The following ULK4 variants were observed in gnomAD, a reference collection of about 807,000 sequenced individuals.
ULK4 encodes inactive serine/threonine-protein kinase ULK4.
A neutral mutation model predicts 160.6 loss-of-function variants in ULK4; 133 were observed. The observed-to-expected ratio is 0.83, with a 90% CI of 0.72 to 0.96. The LOEUF (loss-of-function observed/expected upper bound fraction) is 0.96. ULK4 is among the 40% of genes least tolerant of loss of function. The pLI, the probability that ULK4 is intolerant of heterozygous loss-of-function variation, is 0.00. For synonymous variants in ULK4, 534 were observed against 539.8 expected (o/e 0.99, Z 0.15); for missense variants, 1,580 against 1,499.5 (o/e 1.05, Z -0.89).
chr3:41,631,216 ATTTTT>A (rs2033729299), intron 30 of ULK4, among the ~76,000 whole-genome samples: 1 of 152,128 alleles, frequency 6.6e-6, no homozygotes, highest in South Asian at 2.1e-4. Flanking sequence ...ATAGGGAGTT[ATTTTT>A]CACACAAAAA....
chr3:41,826,859 T>C (rs1484351080), intron 18 of ULK4, among the ~76,000 whole-genome samples: 2 of 143,272 alleles, frequency 1.4e-5, no homozygotes, highest in African/African-American at 5.6e-5. Context: ...AATATACATT[T>C]TTTTCAGCAC....
At chr3:41,613,127 T>C (rs1321356306) in intron 31 of ULK4, among the ~76,000 whole-genome samples, 1 of 152,180 alleles carries the variant, frequency 6.6e-6, no homozygotes, top group Non-Finnish European at 1.5e-5. Context: ...GCAAAGAAGC[T>C]GCCATATATA....
chr3:41,936,983 C>A (rs1699794676), intron 3 of ULK4: 1 of 218,412 alleles, frequency 4.6e-6, no homozygotes, highest in East Asian at 9.1e-5. Context: ...GTGCTTATTA[C>A]ACACTGCATG....
rs73830279 is a variant in ULK4 at position 41,591,165 on chromosome 3, A to G, written c.3120+24504T>C. On this transcript the variant is annotated intron_variant, in intron 31 of 36. Coordinates refer to ENST00000301831, the MANE Select transcript of ULK4 (RefSeq NM_017886.4). Reference sequence around the variant, plus strand: ...ACAGCAGACTTATTAGTAACTGTGCAAGCCAGAAGACAATGAAAAGCAACT... The same window carrying G: ...ACAGCAGACTTATTAGTAACTGTGCGAGCCAGAAGACAATGAAAAGCAACT... Among the ~76,000 whole-genome samples, 508 of 152,324 alleles carry G rather than the reference A, an allele frequency of 3.3e-3. 3 individuals carry two copies. Among genetic ancestry groups the G allele is most frequent in the African/African-American group, 0.012 (485 of 41,576 alleles).
At chr3:41,528,799 T>C (rs192512092) in intron 32 of ULK4, among the ~76,000 whole-genome samples, 103 of 152,350 alleles carry the variant, frequency 6.8e-4, no homozygotes, top group African/African-American at 2.4e-3. Context: ...GTCTTGTTTT[T>C]ACCCACAGCA....
intron 17 of ULK4, among the ~76,000 whole-genome samples, chr3:41,838,551 CA>C (rs763114029): frequency 3.8e-4 from 58 of 151,972 alleles, no homozygotes; most frequent in Middle Eastern, 3.4e-3. Flanking sequence ...AAAAAATGTT[CA>C]GTAAACCACA....
chr3:41,546,555 G>A (rs891637134), intron 32 of ULK4, among the ~76,000 whole-genome samples: 2 of 151,956 alleles, frequency 1.3e-5, no homozygotes, highest in African/African-American at 4.8e-5. Flanking sequence ...ACGTAATCTT[G>A]CTCTGTGAAA....
In ULK4 at chr3:41,246,662, CAGAG is replaced by C; in HGVS notation, c.*263_*266del. 1 of 434,470 alleles carries C rather than the reference CAGAG, an allele frequency of 2.3e-6. No homozygotes were observed. Among genetic ancestry groups the C allele is most frequent in the Non-Finnish European group, 4.2e-6 (1 of 238,092 alleles). 26.9% of individuals were successfully genotyped at this position (434,470 alleles called of 1,614,324 possible). A position where few individuals can be genotyped will look rare whatever the true frequency, so the allele number is the denominator to read the frequency against. ...CTAACCTTAGCCCACCTGGCCCACACAGAGAGGGAAAGAACATTTCTGAGAACAG... is the reference window on the plus strand; with the variant it reads ...CTAACCTTAGCCCACCTGGCCCACACAGGGAAAGAACATTTCTGAGAACAG... On this transcript the variant is annotated 3_prime_UTR_variant, in exon 37 of 37. Transcript: ENST00000301831.
intron 32 of ULK4, among the ~76,000 whole-genome samples, chr3:41,525,100 T>G (rs2086067866): frequency 1.3e-5 from 2 of 152,202 alleles, no homozygotes; most frequent in Non-Finnish European, 2.9e-5. Flanking sequence ...AATATCTTTT[T>G]CTATTATCTG....
At position 41,947,122 on chromosome 3, in the gene ULK4, T is replaced by C. The variant is rs540894449; in HGVS notation, c.138+7500A>G. On this transcript the variant is annotated intron_variant, in intron 2 of 36. Transcript: ENST00000301831. Reference sequence around the variant, plus strand: ...GCGGGAGGATCACAAGGTCGGGAGATCGAGACCATCCTGGCTAAAACGGTG... The same window carrying C: ...GCGGGAGGATCACAAGGTCGGGAGACCGAGACCATCCTGGCTAAAACGGTG... Among the ~76,000 whole-genome samples the C allele has an allele frequency of 3.2e-4, 48 of 152,108 alleles. No individual in the cohort carries two copies. In the South Asian group the frequency reaches 1.0e-2, roughly 32 times the overall value.
At chr3:41,803,233 G>A (rs1012757439) in intron 19 of ULK4, among the ~76,000 whole-genome samples, 2 of 151,602 alleles carry the variant, frequency 1.3e-5, no homozygotes, top group African/African-American at 4.9e-5. Context: ...GAAGGACATT[G>A]GATAACACTA....
At chr3:41,935,965 C>T in intron 3 of ULK4, 25 bp from the exon 4 acceptor site, 1 of 1,603,238 alleles carries the variant, frequency 6.2e-7, no homozygotes, top group Non-Finnish European at 8.5e-7. Context: ...TTAAAATCAC[C>T]CATTTCAACC....
intron 18 of ULK4, among the ~76,000 whole-genome samples, chr3:41,831,972 C>T (rs2041605804): frequency 6.6e-6 from 1 of 152,062 alleles, no homozygotes; most frequent in Non-Finnish European, 1.5e-5. Context: ...GGGTTGGTTC[C>T]ATGTCTTTGC....
At chr3:41,888,655 T>C (rs1697812874) in intron 16 of ULK4, among the ~76,000 whole-genome samples, 2 of 152,336 alleles carry the variant, frequency 1.3e-5, no homozygotes, top group Non-Finnish European at 2.9e-5. Flanking sequence ...CCTGCAGCCC[T>C]GGCCTCCGGG....
At chr3:41,770,510 C>CA (rs1357444532) in intron 21 of ULK4, among the ~76,000 whole-genome samples, 1 of 135,536 alleles carries the variant, frequency 7.4e-6, no homozygotes, top group Non-Finnish European at 1.6e-5. Flanking sequence ...TAGAAAGATA[C>CA]TTTTTTTTTT....
rs532262834 is a variant in ULK4, at chr3:41,564,863, C to A, written c.3226+1162G>T. Among the ~76,000 whole-genome samples, 19 of 152,270 alleles carry A rather than the reference C, an allele frequency of 1.2e-4. No individual in the cohort carries two copies. The South Asian group carries it at 3.1e-3, about 25-fold the overall frequency. ...ATCCTAGGCCTTCACATTCACTCCC[C>A]ACCCAGTCACTGACTCCCTCAGGGC... is the stretch of plus-strand genomic sequence containing the variant. On this transcript the variant is annotated intron_variant, in intron 32 of 36. Transcript: ENST00000301831.
At chr3:41,911,733 G>A (rs946703213) in intron 9 of ULK4, 74 bp from the exon 10 acceptor site, 8 of 1,133,236 alleles carry the variant, frequency 7.1e-6, no homozygotes, top group African/African-American at 1.6e-5. Context: ...AGAAAAAGAG[G>A]TTGGAGAAGA....
chr3:41,809,011 CA>C, intron 19 of ULK4, among the ~76,000 whole-genome samples: 1 of 151,952 alleles, frequency 6.6e-6, no homozygotes, highest in South Asian at 2.1e-4. Context: ...ACAAAAAATA[CA>C]AAAATTAGCC....
At chr3:41,484,620 T>C (rs927370072) in intron 32 of ULK4, among the ~76,000 whole-genome samples, 6 of 152,058 alleles carry the variant, frequency 3.9e-5, no homozygotes, top group Admixed American at 3.9e-4. Flanking sequence ...ACCCGGCTAA[T>C]TTTTTGTATT....
Sources: gnomAD v4.1 joint callset for allele counts (sites outside exome capture counted in the v4.1 genomes callset) on GRCh38, gnomAD v4.1.1 for gene constraint, MANE v1.5 for transcripts, NCBI Gene and HGNC (gene_info 2026-07-23, HGNC 2026-07-21) for gene names.